Variants in CSMD1 observed in about 807,000 individuals in gnomAD.
CSMD1 encodes the protein CUB and sushi domain-containing protein 1.
A neutral mutation model predicts 417.5 loss-of-function variants in CSMD1; 213 were observed. The ratio of observed to expected loss-of-function variants is 0.51; its 90% CI spans 0.46 to 0.57. CSMD1 has a LOEUF of 0.57. CSMD1 is among the 20% of genes least tolerant of loss of function. The pLI, the probability that CSMD1 is intolerant of heterozygous loss-of-function variation, is 0.00. For missense variants in CSMD1, 6,923 were observed against 4,529.7 expected, an observed-to-expected ratio of 1.53 and a Z score of -15.17; for synonymous variants, 2,862 against 1,736.8, an observed-to-expected ratio of 1.65 and a Z score of -16.11.
At chr8:4,785,705 G>A (rs571298117) in intron 1 of CSMD1, among the ~76,000 whole-genome samples, 5 of 152,112 alleles carry the variant, frequency 3.3e-5, no homozygotes, top group African/African-American at 4.8e-5. Flanking sequence ...AGGAAGGGAG[G>A]ATCACCCTTT....
intron 3 of CSMD1, among the ~76,000 whole-genome samples, chr8:4,162,977 G>C (rs894873821): frequency 1.5e-4 from 23 of 152,234 alleles, no homozygotes; most frequent in African/African-American, 5.5e-4. Flanking sequence ...CCTAGAGTAG[G>C]AATCACAAAG....
intron 1 of CSMD1, among the ~76,000 whole-genome samples, chr8:4,936,398 T>C (rs1426068954): frequency 6.6e-6 from 1 of 152,196 alleles, no homozygotes; most frequent in Non-Finnish European, 1.5e-5. Context: ...ATTTTTAAAA[T>C]TGAAGATGTA....
intron 26 of CSMD1, among the ~76,000 whole-genome samples, chr8:3,271,542 G>C (rs35680866): frequency 0.24 from 32,310 of 137,180 alleles, 4,199 homozygotes; most frequent in African/African-American, 0.29. Context: ...TATAGTCCCA[G>C]CAACAGTGTA....
chr8:4,977,334 A>C (rs989274476), intron 1 of CSMD1, among the ~76,000 whole-genome samples: 1 of 152,184 alleles, frequency 6.6e-6, no homozygotes, highest in Non-Finnish European at 1.5e-5. Context: ...ACCTTGATTG[A>C]AAACGCAGCA....
intron 3 of CSMD1, among the ~76,000 whole-genome samples, chr8:4,069,918 C>A (rs1799458194): frequency 1.3e-5 from 2 of 152,090 alleles, no homozygotes; most frequent in Non-Finnish European, 2.9e-5. Flanking sequence ...TTTTTTACCA[C>A]TTTGTATAAA....
chr8:4,334,725 A>G (rs1181322920), intron 3 of CSMD1, among the ~76,000 whole-genome samples: 1 of 152,196 alleles, frequency 6.6e-6, no homozygotes, highest in African/African-American at 2.4e-5. Context: ...TTTTATTTGC[A>G]TAGATACTTG....
chr8:3,237,292 C>G (rs1799209459), intron 26 of CSMD1, among the ~76,000 whole-genome samples: 3 of 151,422 alleles, frequency 2.0e-5, no homozygotes, highest in African/African-American at 4.9e-5. Context: ...ATGGTGAAAC[C>G]CTGTCTGTAC....
At chr8:3,728,666 G>A (rs1249168199) in intron 6 of CSMD1, among the ~76,000 whole-genome samples, 4 of 152,024 alleles carry the variant, frequency 2.6e-5, no homozygotes, top group South Asian at 2.1e-4. Flanking sequence ...AGATGGAACA[G>A]AAGGAGAAAG....
At chr8:4,183,258 T>G (rs777500920) in intron 3 of CSMD1, among the ~76,000 whole-genome samples, 5 of 152,192 alleles carry the variant, frequency 3.3e-5, no homozygotes, top group Non-Finnish European at 7.4e-5. Context: ...TGCAGTAGAC[T>G]GAAAATTTAA....
intron 5 of CSMD1, among the ~76,000 whole-genome samples, chr8:3,835,902 C>CT (rs1272677854): frequency 1.3e-5 from 2 of 151,884 alleles, no homozygotes; most frequent in Non-Finnish European, 1.5e-5. Context: ...TTTGATAAGA[C>CT]TTTTTTCAAC....
intron 1 of CSMD1, among the ~76,000 whole-genome samples, chr8:4,729,793 A>G (rs193133942): frequency 1.3e-5 from 2 of 152,352 alleles, no homozygotes; most frequent in African/African-American, 2.4e-5. Context: ...TGTATAATCA[A>G]TAATGAAATA....
At chr8:4,260,889 A>G (rs1275371928) in intron 3 of CSMD1, among the ~76,000 whole-genome samples, 1 of 152,172 alleles carries the variant, frequency 6.6e-6, no homozygotes, top group African/African-American at 2.4e-5. Flanking sequence ...GTCGTGTTTG[A>G]TATTATGATA....
At chr8:4,037,361 G>A (rs1402224966) in intron 3 of CSMD1, among the ~76,000 whole-genome samples, 1 of 152,196 alleles carries the variant, frequency 6.6e-6, no homozygotes, top group Non-Finnish European at 1.5e-5. Context: ...AGCACTTGCT[G>A]TAACAGCAAT....
At chr8:4,822,690 A>G (rs1799589432) in intron 1 of CSMD1, among the ~76,000 whole-genome samples, 1 of 152,154 alleles carries the variant, frequency 6.6e-6, no homozygotes, top group Non-Finnish European at 1.5e-5. Context: ...AATTAGCCAT[A>G]TACAATGTTG....
At chr8:3,483,266 G>A (rs1418090601) in intron 11 of CSMD1, among the ~76,000 whole-genome samples, 3 of 151,486 alleles carry the variant, frequency 2.0e-5, no homozygotes, top group Non-Finnish European at 2.9e-5. Flanking sequence ...GAGATAGAAG[G>A]GAACAATTAC....
In CSMD1 at chr8:4,837,749, G is replaced by C. The variant is rs181582987; in HGVS notation, c.85+156583C>G. Among the ~76,000 whole-genome samples the C allele has an allele frequency of 4.5e-3, 688 of 152,092 alleles. 5 individuals carry two copies. The highest frequency in any genetic ancestry group is 0.015 in the African/African-American group (627 of 41,490). On this transcript the variant is annotated intron_variant, in intron 1 of 69. Coordinates refer to ENST00000635120, the MANE Select transcript of CSMD1 (RefSeq NM_033225.6). Reference sequence around the variant, plus strand: ...TAACCGTACATTTAAAAATAACAAAGAGTATAACTACATTGTTTGTAACTC... The same window carrying C: ...TAACCGTACATTTAAAAATAACAAACAGTATAACTACATTGTTTGTAACTC...
At chr8:4,645,627 T>A (rs891663022) in intron 1 of CSMD1, among the ~76,000 whole-genome samples, 1 of 151,942 alleles carries the variant, frequency 6.6e-6, no homozygotes, top group Non-Finnish European at 1.5e-5. Context: ...AATTGTAGAC[T>A]GGCAAAAAGA....
chr8:3,674,757 T>C (rs780840768), intron 7 of CSMD1, among the ~76,000 whole-genome samples: 2 of 152,130 alleles, frequency 1.3e-5, no homozygotes, highest in Non-Finnish European at 2.9e-5. Flanking sequence ...AACTTCACTC[T>C]TCAAAAAATG....
rs537941278 is a variant in CSMD1, at chr8:4,235,087, G to C, written c.415+184866C>G. ...CATCCATAGGAGTCCCTTTCCAGGG[G>C]ACTTCAAGAATAGAAAAATTATGTT... On this transcript the variant is annotated intron_variant, in intron 3 of 69. Transcript: ENST00000635120. 4.6e-5 allele frequency among the ~76,000 whole-genome samples: 7 copies of C among 152,178 alleles called. 1 individual carries two copies. The South Asian group carries it at 1.2e-3, about 27-fold the overall frequency.
Sources: allele counts gnomAD v4.1 joint callset (sites outside exome capture counted in the v4.1 genomes callset), GRCh38; gene constraint gnomAD v4.1.1; transcripts MANE v1.5; gene names NCBI Gene and HGNC (gene_info 2026-07-23, HGNC 2026-07-21).